The following PNLIP variants were observed in gnomAD, a reference collection of about 807,000 sequenced individuals.
The protein encoded by PNLIP is pancreatic triacylglycerol lipase.
In PNLIP, 49 loss-of-function variants were observed where a neutral mutation model predicts 57.1. That is an observed-to-expected ratio of 0.86 (90% CI 0.68 to 1.09). The LOEUF (loss-of-function observed/expected upper bound fraction) is 1.09, where lower values mean the gene tolerates loss of function less well. Ranked by LOEUF, PNLIP falls within the 50% of genes least tolerant of loss-of-function variation. PNLIP has a pLI of 0.00. For missense variants in PNLIP, 503 were observed against 570.2 expected, an observed-to-expected ratio of 0.88 and a Z score of 1.20; for synonymous variants, 209 against 200.4, an observed-to-expected ratio of 1.04 and a Z score of -0.36.
chr10:116,547,299 G>A lies in PNLIP; in HGVS notation c.52G>A (p.Glu18Lys). 1.2e-6 allele frequency: 2 copies of A among 1,614,048 alleles called. No individual in the cohort carries two copies. Among genetic ancestry groups the A allele is most frequent in the East Asian group, 2.2e-5 (1 of 44,860 alleles). ...ATCCTTCTGGGGGATTGCAGGAAAA[G>A]AAGTTTGCTACGAAAGACTCGGCTG... ...SLLLGAVAGKEVCYERLGCFS... is the reference protein window; with the variant it reads ...SLLLGAVAGKKVCYERLGCFS... Residue 18 changes from glutamate to lysine, a missense_variant, in exon 3 of 13, where the codon GAA (glutamate) becomes AAA (lysine). By Grantham distance (56) the Glu-to-Lys change is moderately conservative (BLOSUM62 1). Coordinates refer to ENST00000369221, the MANE Select transcript of PNLIP (RefSeq NM_000936.4).
intron 12 of PNLIP, among the ~76,000 whole-genome samples, chr10:116,564,837 C>T (rs1055750195): frequency 1.3e-4 from 19 of 151,690 alleles, no homozygotes; most frequent in South Asian, 1.0e-3. Context: ...TAAAAATATG[C>T]GCTATAAATT....
chr10:116,554,527 A>G (rs768119638), intron 6 of PNLIP, among the ~76,000 whole-genome samples: 2 of 152,178 alleles, frequency 1.3e-5, no homozygotes, highest in African/African-American at 2.4e-5. Flanking sequence ...CCCAGGTTCT[A>G]AAACCTCTGT....
chr10:116,550,182 C>T (rs1847175671), intron 4 of PNLIP, among the ~76,000 whole-genome samples: 1 of 151,166 alleles, frequency 6.6e-6, no homozygotes, highest in African/African-American at 2.4e-5. Context: ...CCTCAGCCTC[C>T]CGAGTAGCTG....
At chr10:116,553,658 C>A (rs933057695) in intron 5 of PNLIP, 69 bp from the exon 6 acceptor site, 1 of 848,082 alleles carries the variant, frequency 1.2e-6, no homozygotes, top group Non-Finnish European at 2.0e-6. Context: ...TTTCTTGTAA[C>A]GTATCCCTGT....
At chr10:116,567,655 G>T in intron 12 of PNLIP, 80 bp from the exon 13 acceptor site, 1 of 1,157,248 alleles carries the variant, frequency 8.6e-7, no homozygotes. Flanking sequence ...AGGAGGTTGG[G>T]GGCATAGATT....
chr10:116,551,359 T>C, intron 5 of PNLIP, 127 bp downstream of exon 5: 1 of 607,312 alleles, frequency 1.6e-6, no homozygotes, highest in Non-Finnish European at 2.5e-6. Flanking sequence ...ATATGATGTT[T>C]CTCTTGGCTA....
rs186677506 is a variant in PNLIP at position 116,565,105 on chromosome 10, G to A, written c.1335-2630G>A. Among the ~76,000 whole-genome samples, 57 of 151,736 alleles carry A rather than the reference G, an allele frequency of 3.8e-4. 1 individual carries two copies. Among genetic ancestry groups the A allele is most frequent in the East Asian group, 2.0e-4 (1 of 5,066 alleles). The stretch of plus-strand genomic sequence containing the variant: ...ACCCCGTCTCTACTAAATACACGAC[G>A]CAGGCGTGGTGGTGGGCTCCTGTAG... On this transcript the variant is annotated intron_variant, in intron 12 of 12. Transcript: ENST00000369221.
chr10:116,551,603 C>T (rs1449686439), intron 5 of PNLIP, among the ~76,000 whole-genome samples: 1 of 152,074 alleles, frequency 6.6e-6, no homozygotes, highest in African/African-American at 2.4e-5. Context: ...ACAAGCTAAC[C>T]TCATTTGGTA....
intron 9 of PNLIP, among the ~76,000 whole-genome samples, chr10:116,557,044 C>CA (rs1326884234): frequency 6.6e-6 from 1 of 152,024 alleles, no homozygotes; most frequent in South Asian, 2.1e-4. Context: ...TAGCCCAGAG[C>CA]AAAAAAATAT....
At chr10:116,550,904 C>G (rs1847183249) in intron 4 of PNLIP, among the ~76,000 whole-genome samples, 194 bp from the exon 5 acceptor site, 2 of 152,168 alleles carry the variant, frequency 1.3e-5, no homozygotes, top group Admixed American at 6.5e-5. Context: ...TGGTCAAATT[C>G]CAGTTTGGAG....
At chr10:116,556,201 T>C (rs1185911523) in intron 9 of PNLIP, 83 bp downstream of exon 9, 5 of 764,692 alleles carry the variant, frequency 6.5e-6, no homozygotes, top group Non-Finnish European at 1.2e-5. Flanking sequence ...CATGACATCA[T>C]TCAATGAATG....
chr10:116,551,229 T>C lies in PNLIP; in HGVS notation c.456T>C (p.Leu152=), dbSNP rs748826290. ...GAEVAYFVEF[L]QSAFGYSPSN... ...AAGTGGCATATTTTGTTGAATTTCT[T>C]CAGGTAATTACTCCCGGATTGCATA... Residue 152 remains leucine (L), a synonymous_variant, in exon 5 of 13, where the codon CTT becomes CTC. Transcript: ENST00000369221. 3.1e-6 allele frequency: 5 copies of C among 1,607,760 alleles called. No individual in the cohort carries two copies. The highest frequency in any genetic ancestry group is 4.2e-6 in the Non-Finnish European group (5 of 1,176,952).
Position 116,546,379 on chromosome 10 carries a change from A to G in PNLIP, c.46+241A>G, listed in dbSNP as rs1409175850. Among the ~76,000 whole-genome samples the G allele has an allele frequency of 2.0e-5, 3 of 152,206 alleles. No individual in the cohort carries two copies. The East Asian group carries it at 5.8e-4, about 29-fold the overall frequency. ...ATTTCCCACAAACAACAAATATGTGACATATCTATACTAAAACATTATCAT... is the reference window on the plus strand; with the variant it reads ...ATTTCCCACAAACAACAAATATGTGGCATATCTATACTAAAACATTATCAT... On this transcript the variant is annotated intron_variant, in intron 2 of 12. Transcript: ENST00000369221.
chr10:116,557,648 C>T (rs1297097168), intron 9 of PNLIP, among the ~76,000 whole-genome samples: 1 of 152,124 alleles, frequency 6.6e-6, no homozygotes, highest in South Asian at 2.1e-4. Context: ...TGAATGCCAA[C>T]CCTGGGACTG....
chr10:116,546,069 A>G, intron 1 of PNLIP, 24 bp from the exon 2 acceptor site: 1 of 1,611,486 alleles, frequency 6.2e-7, no homozygotes, highest in Non-Finnish European at 8.5e-7. Context: ...AGCCAGACTC[A>G]ATCATGTTTT....
chr10:116,565,585 T>A (rs1474448995), intron 12 of PNLIP, among the ~76,000 whole-genome samples: 1 of 144,710 alleles, frequency 6.9e-6, no homozygotes. Context: ...CTCAGCCGCC[T>A]GTGTAGCTGA....
chr10:116,560,358 CTTGTT>C (rs1847301233), intron 10 of PNLIP, 53 bp from the exon 11 acceptor site: 2 of 832,280 alleles, frequency 2.4e-6, no homozygotes, highest in Non-Finnish European at 4.0e-6. Flanking sequence ...TGCAAATTAA[CTTGTT>C]TTTAGTGTCT....
chr10:116,555,340 G>T (rs1463712694), intron 7 of PNLIP, 43 bp downstream of exon 7: 13 of 1,614,006 alleles, frequency 8.1e-6, no homozygotes, highest in Non-Finnish European at 1.0e-5. Flanking sequence ...TATAGTGTCT[G>T]AGTCTATATA....
chr10:116,556,679 T>C (rs1847257249), intron 9 of PNLIP, among the ~76,000 whole-genome samples: 1 of 152,168 alleles, frequency 6.6e-6, no homozygotes, highest in Admixed American at 6.5e-5. Context: ...TGGCTTCCTC[T>C]TGGTTGAATT....
Sources: allele counts gnomAD v4.1 joint callset (sites outside exome capture counted in the v4.1 genomes callset), GRCh38; gene constraint gnomAD v4.1.1; transcripts MANE v1.5; gene names NCBI Gene and HGNC (gene_info 2026-07-23, HGNC 2026-07-21).